Variants in ANKUB1 observed in about 807,000 individuals in gnomAD.
ANKUB1 encodes the protein ankyrin repeat and ubiquitin domain containing 1.
In ANKUB1, 42 loss-of-function variants were observed where a neutral mutation model predicts 49.3. The ratio of observed to expected loss-of-function variants is 0.85; its 90% CI spans 0.67 to 1.10. The LOEUF (loss-of-function observed/expected upper bound fraction) is 1.10, where lower values mean the gene tolerates loss of function less well. Ranked by LOEUF, ANKUB1 falls within the 50% of genes least tolerant of loss-of-function variation. The pLI is 0.00. For synonymous variants in ANKUB1, 222 were observed against 231.0 expected (o/e 0.96, Z 0.35); for missense variants, 613 against 642.0 (o/e 0.95, Z 0.49).
chr3:149,790,844 C>T lies in ANKUB1; in HGVS notation c.171G>A (p.Lys57=). The T allele has an allele frequency of 6.4e-7, 1 of 1,552,126 alleles. No homozygotes were observed. Among genetic ancestry groups the T allele is most frequent in the Non-Finnish European group, 8.7e-7 (1 of 1,147,058 alleles). ...LELMYAGAAL[K]DSWSLADVGI... The stretch of plus-strand genomic sequence containing the variant: ...CAACATCAGCAAGACTCCAACTGTC[C>T]TTTAGAGCAGCTCCAGCATACATTA... The change falls in exon 2 of 6, where the codon AAG becomes AAA. Residue 57 remains lysine (K), a synonymous_variant. Transcript: ENST00000446160.
intron 3 of ANKUB1, among the ~76,000 whole-genome samples, chr3:149,777,400 A>C (rs1717647551): frequency 6.6e-6 from 1 of 152,086 alleles, no homozygotes; most frequent in Non-Finnish European, 1.5e-5. Flanking sequence ...TGAACCTGGG[A>C]GGCGGAGGTC....
rs577775162 is a variant in ANKUB1, at chr3:149,780,128, A to T, written c.451+111T>A. 20 of 825,048 alleles carry T rather than the reference A, an allele frequency of 2.4e-5. No individual in the cohort carries two copies. The African/African-American group carries it at 2.9e-4, about 12-fold the overall frequency. The allele number at this position is 825,048 out of a possible 1,614,324, so 51.1% of individuals were successfully genotyped here. A position where few individuals can be genotyped will look rare whatever the true frequency, so the allele number is the denominator to read the frequency against. On this transcript the variant is annotated intron_variant, in intron 3 of 5. Transcript: ENST00000446160. ...AAGTGAATATGTAAATAAAGTTAAC[A>T]GATTGTATATGAAAATCTAGATTTC...
rs1185257917 is a variant in ANKUB1, at chr3:149,780,308, A to T, written c.382T>A (p.Cys128Ser). ...LRCGLPVSVY[C>S]LRTPRGLEMY... ...TCCAGGCCCCTTGGGGTTCGGAGAC[A>T]GTAGACACTCACGGGGAGGCCACAT... The change falls in exon 3 of 6, where the codon TGT becomes AGT. Residue 128 changes from cysteine to serine, a missense_variant. By Grantham distance (112) the Cys-to-Ser change is moderately radical. Coordinates refer to ENST00000446160, the MANE Select transcript of ANKUB1 (RefSeq NM_001144960.3). 2 of 1,551,792 alleles carry T rather than the reference A, an allele frequency of 1.3e-6. No homozygotes were observed. The highest frequency in any genetic ancestry group is 1.7e-6 in the Non-Finnish European group (2 of 1,147,022).
chr3:149,779,288 C>T (rs574023379), intron 3 of ANKUB1: 1 of 152,190 alleles, frequency 6.6e-6, no homozygotes, highest in Admixed American at 6.6e-5. Flanking sequence ...ATCCTCCTAC[C>T]TCAGCCTCCC....
intron 2 of ANKUB1, among the ~76,000 whole-genome samples, chr3:149,786,192 C>T (rs924886394): frequency 7.2e-5 from 11 of 152,140 alleles, no homozygotes; most frequent in Admixed American, 2.0e-4. Flanking sequence ...CCCGCCAACG[C>T]GCCCGGCTAA....
chr3:149,781,557 G>C (rs1045145882), intron 2 of ANKUB1, among the ~76,000 whole-genome samples: 2 of 152,114 alleles, frequency 1.3e-5, no homozygotes, highest in Non-Finnish European at 2.9e-5. Context: ...TCTTCAGGGG[G>C]CTCCAACCTG....
chr3:149,784,159 C>T (rs1306032160), intron 2 of ANKUB1, among the ~76,000 whole-genome samples: 1 of 152,162 alleles, frequency 6.6e-6, no homozygotes, highest in Non-Finnish European at 1.5e-5. Context: ...AATCTCTCAG[C>T]ATAAAACAAC....
At chr3:149,783,273 T>C (rs1264836436) in intron 2 of ANKUB1, 2 of 152,186 alleles carry the variant, frequency 1.3e-5, no homozygotes, top group Non-Finnish European at 2.9e-5. Context: ...ATGATACTCC[T>C]CCCCAAGTAT....
chr3:149,781,902 C>A (rs1380839586), intron 2 of ANKUB1, among the ~76,000 whole-genome samples: 2 of 152,096 alleles, frequency 1.3e-5, no homozygotes, highest in Non-Finnish European at 2.9e-5. Flanking sequence ...GTGCTTAGAA[C>A]AATTTTTCAT....
At position 149,792,154 on chromosome 3, in the gene ANKUB1, T is replaced by C. The variant is rs567647700; in HGVS notation, c.90+123A>G. On this transcript the variant is annotated intron_variant, in intron 1 of 5. Coordinates refer to ENST00000446160, the MANE Select transcript of ANKUB1 (RefSeq NM_001144960.3). The stretch of plus-strand genomic sequence containing the variant: ...GTAAGCAAATAATAGTATTTTCAAA[T>C]AGTTTTCGTTCCCTGTTTGCTGAAA... The C allele has an allele frequency of 5.3e-5, 28 of 525,042 alleles. No individual in the cohort carries two copies. The Admixed American group carries it at 1.2e-3, about 22-fold the overall frequency. 32.5% of individuals were successfully genotyped at this position (525,042 alleles called of 1,614,324 possible). A position where few individuals can be genotyped will look rare whatever the true frequency, so the allele number is the denominator to read the frequency against.
chr3:149,778,480 A>C (rs1413153099), intron 3 of ANKUB1: 1 of 152,214 alleles, frequency 6.6e-6, no homozygotes, highest in African/African-American at 2.4e-5. Flanking sequence ...TAATCTGAAC[A>C]GTATAAGCCT....
intron 3 of ANKUB1, among the ~76,000 whole-genome samples, chr3:149,773,258 A>T (rs768392150): frequency 8.6e-5 from 13 of 152,040 alleles, no homozygotes; most frequent in Non-Finnish European, 1.6e-4. Flanking sequence ...TATAACCTGT[A>T]ATCTTGAAAT....
chr3:149,767,417 T>A lies in ANKUB1; in HGVS notation c.1245A>T (p.Ser415=). The part of the protein sequence containing the change: ...LKFHPLVNAS[S]FSELQKHQQQ... ...GTTGATGTTTTTGTAATTCAGAGAA[T>A]GAACTTGCATTCACCAGTGGATGAA... is the stretch of plus-strand genomic sequence containing the variant. Residue 415 remains serine, a synonymous_variant, in exon 5 of 6, where the codon TCA becomes TCT. Transcript: ENST00000446160. 6.4e-7 allele frequency: 1 copy of A among 1,551,762 alleles called. No homozygotes were observed. Among genetic ancestry groups the A allele is most frequent in the Non-Finnish European group, 8.7e-7 (1 of 1,147,004 alleles).
At chr3:149,781,995 A>G (rs941241587) in intron 2 of ANKUB1, among the ~76,000 whole-genome samples, 7 of 152,170 alleles carry the variant, frequency 4.6e-5, no homozygotes, top group African/African-American at 1.7e-4. Context: ...GTGCTTTCCT[A>G]TGGTTCCATA....
intron 2 of ANKUB1, 134 bp downstream of exon 2, chr3:149,790,647 T>C (rs940713767): frequency 4.6e-6 from 4 of 871,494 alleles, no homozygotes; most frequent in African/African-American, 1.7e-5. Flanking sequence ...AGACCTGTTA[T>C]ACAAATGGAA....
intron 2 of ANKUB1, 25 bp downstream of exon 2, chr3:149,790,756 A>C (rs1401758129): frequency 6.5e-7 from 1 of 1,530,982 alleles, no homozygotes; most frequent in Admixed American, 2.2e-5. Context: ...GATATCTTAG[A>C]CGAATATTAT....
Position 149,767,558 on chromosome 3 carries a change from G to A in ANKUB1, c.1104C>T (p.Ser368=), listed in dbSNP as rs751537489. 12 of 1,551,616 alleles carry A rather than the reference G, an allele frequency of 7.7e-6. No homozygotes were observed. The highest frequency in any genetic ancestry group is 1.7e-4 in the Middle Eastern group (1 of 5,992). The part of the protein sequence containing the change: ...TSKSWHKAGN[S]DSQSIVLKLP... ...GCTTGAGCACGATGCTTTGTGAGTC[G>A]CTGTTCCCAGCCTTATGCCAGCTCT... Residue 368 remains serine, a synonymous_variant, in exon 5 of 6, where the codon AGC becomes AGT. Transcript: ENST00000446160.
At chr3:149,782,531 A>G (rs1199859991) in intron 2 of ANKUB1, among the ~76,000 whole-genome samples, 1 of 151,986 alleles carries the variant, frequency 6.6e-6, no homozygotes, top group Non-Finnish European at 1.5e-5. Context: ...AACAAGTAAT[A>G]AGGGAGAACT....
At chr3:149,788,527 A>T (rs1457940049) in intron 2 of ANKUB1, among the ~76,000 whole-genome samples, 1 of 151,596 alleles carries the variant, frequency 6.6e-6, no homozygotes, top group Non-Finnish European at 1.5e-5. Flanking sequence ...TTTTGTAGAG[A>T]TGGGGTCTCA....
Sources: allele counts gnomAD v4.1 joint callset (sites outside exome capture counted in the v4.1 genomes callset), GRCh38; gene constraint gnomAD v4.1.1; transcripts MANE v1.5; gene names NCBI Gene and HGNC (gene_info 2026-07-23, HGNC 2026-07-21).